Variants in MSL2 observed in about 807,000 individuals in gnomAD.
MSL2 encodes the protein MSL complex subunit 2.
In MSL2, 2 loss-of-function variants were observed where a neutral mutation model predicts 35.8. The ratio of observed to expected loss-of-function variants is 0.06; its 90% confidence interval spans 0.02 to 0.18. The LOEUF (loss-of-function observed/expected upper bound fraction) is 0.18, where lower values mean the gene tolerates loss of function less well. Among genes scored for constraint, MSL2 ranks in the 10% least tolerant of loss-of-function variants. The probability of loss-of-function intolerance (pLI) is 1.00; values close to 1 mark genes in which losing one functional copy is unlikely to be tolerated. For synonymous variants in MSL2, 296 were observed against 255.7 expected, an observed-to-expected ratio of 1.16 and a Z score of -1.50; for missense variants, 523 against 706.7, an observed-to-expected ratio of 0.74 and a Z score of 2.95.
chr3:136,180,997 A>T (rs1576371828), intron 1 of MSL2, among the ~76,000 whole-genome samples: 1 of 151,740 alleles, frequency 6.6e-6, no homozygotes, highest in East Asian at 2.0e-4. Context: ...ATTAAATAAA[A>T]AAAAAAAAAA....
At position 136,168,359 on chromosome 3, in the gene MSL2, T is replaced by G. The variant is rs1455339997; in HGVS notation, c.143-15621A>C. Among the ~76,000 whole-genome samples the G allele has an allele frequency of 6.6e-5, 10 of 152,298 alleles. No individual in the cohort carries two copies. The South Asian group carries it at 2.1e-3, about 32-fold the overall frequency. On this transcript the variant is annotated intron_variant, in intron 1 of 1. Transcript: ENST00000309993. The stretch of plus-strand genomic sequence containing the variant: ...GAAGAAAAAGAACACAAACCAGTTA[T>G]CTTAAAATACTCAAAAAAATTACTG...
chr3:136,159,758 C>A (rs565031283), intron 1 of MSL2, among the ~76,000 whole-genome samples: 2 of 152,094 alleles, frequency 1.3e-5, no homozygotes, highest in South Asian at 4.2e-4. Context: ...TACCTCACAA[C>A]ATACACAAAA....
intron 1 of MSL2, among the ~76,000 whole-genome samples, chr3:136,189,534 C>A (rs1006928678): frequency 1.3e-5 from 2 of 149,816 alleles, no homozygotes; most frequent in Non-Finnish European, 3.0e-5. Context: ...ACCATCCTGG[C>A]TAACACAGTG....
intron 1 of MSL2, among the ~76,000 whole-genome samples, chr3:136,183,480 T>G (rs1208565206): frequency 2.0e-5 from 3 of 152,118 alleles, no homozygotes; most frequent in Non-Finnish European, 2.9e-5. Flanking sequence ...TGGAGTGCAG[T>G]GGCACGACCT....
chr3:136,175,319 G>A (rs569233687), intron 1 of MSL2, among the ~76,000 whole-genome samples: 91 of 151,116 alleles, frequency 6.0e-4, no homozygotes, highest in Non-Finnish European at 1.1e-3. Context: ...ACTCCAGCCT[G>A]GGCGACAGAG....
At chr3:136,162,668 T>C (rs892030759) in intron 1 of MSL2, among the ~76,000 whole-genome samples, 2 of 152,242 alleles carry the variant, frequency 1.3e-5, no homozygotes, top group African/African-American at 2.4e-5. Context: ...ATCTGTCTTA[T>C]AGATTTTACT....
rs753735152 is a variant in MSL2 at position 136,151,681 on chromosome 3, A to G, written c.1200T>C (p.Thr400=). ...NGGTTPKISK[T]VLLSTKSMKK... ...TCATGCTTTTAGTAGATAAAAGTAC[A>G]GTTTTGCTGATTTTAGGTGTTGTGC... Residue 400 remains threonine (T), a synonymous_variant, in exon 2 of 2, where the codon ACT becomes ACC. Coordinates refer to ENST00000309993, the MANE Select transcript of MSL2 (RefSeq NM_018133.4). This position sits in a 1 kb window ranked among gnomAD's most constrained non-coding sequence, Gnocchi z 5.2. 1.2e-6 allele frequency: 2 copies of G among 1,614,116 alleles called. No individual in the cohort carries two copies. Among genetic ancestry groups the G allele is most frequent in the African/African-American group, 1.3e-5 (1 of 75,026 alleles).
chr3:136,157,825 G>A (rs1459782795), intron 1 of MSL2, among the ~76,000 whole-genome samples: 1 of 152,216 alleles, frequency 6.6e-6, no homozygotes, highest in African/African-American at 2.4e-5. Context: ...GAATAGACCT[G>A]TAATAAAAGT....
chr3:136,163,161 C>T (rs964388968), intron 1 of MSL2, among the ~76,000 whole-genome samples: 23 of 151,976 alleles, frequency 1.5e-4, no homozygotes, highest in African/African-American at 5.1e-4. Context: ...CGGAAGGCTA[C>T]GGCAGGAGAA....
Position 136,195,806 on chromosome 3 carries a change from G to A in MSL2, c.-693C>T, listed in dbSNP as rs571681823. On this transcript the variant is annotated 5_prime_UTR_variant, in exon 1 of 2. Coordinates refer to ENST00000309993, the MANE Select transcript of MSL2 (RefSeq NM_018133.4). Reference sequence around the variant, plus strand: ...AGTTCCCCGAGGTGGCGAGGCGGGCGGGAGTCCTCAACCCGGAGGGGAAGG... The same window carrying A: ...AGTTCCCCGAGGTGGCGAGGCGGGCAGGAGTCCTCAACCCGGAGGGGAAGG... The A allele has an allele frequency of 4.1e-6, 4 of 985,004 alleles. No homozygotes were observed. Among genetic ancestry groups the A allele is most frequent in the Admixed American group, 1.2e-4 (2 of 16,244 alleles). The allele number at this position is 985,004 out of a possible 1,614,324, so 61.0% of individuals were successfully genotyped here. A position where few individuals can be genotyped will look rare whatever the true frequency, so the allele number is the denominator to read the frequency against.
In MSL2 at chr3:136,152,580, T is replaced by C; in HGVS notation, c.301A>G (p.Asn101Asp). 1.9e-6 allele frequency: 3 copies of C among 1,614,184 alleles called. No individual in the cohort carries two copies. Among genetic ancestry groups the C allele is most frequent in the Non-Finnish European group, 2.5e-6 (3 of 1,180,022 alleles). Residue 101 changes from asparagine (N) to aspartate (D), a missense_variant, in exon 2 of 2, where the codon AAC (asparagine) becomes GAC (aspartate). Around this residue, in one of 5 missense-constraint regions of MSL2, gnomAD observed 41 missense variants for 83.3 expected, o/e 0.49. Coordinates refer to ENST00000309993, the MANE Select transcript of MSL2 (RefSeq NM_018133.4). ...TACTCGCATAGTTTTTTGTAGCAGTTCACTAGGATGCTTAACTGCTTGTTT... is the reference window on the plus strand; with the variant it reads ...TACTCGCATAGTTTTTTGTAGCAGTCCACTAGGATGCTTAACTGCTTGTTT... The part of the protein sequence containing the change: ...EENKQLSILV[N>D]CYKKLCEYIT...
chr3:136,182,050 G>A (rs749805122), intron 1 of MSL2, among the ~76,000 whole-genome samples: 13 of 151,836 alleles, frequency 8.6e-5, no homozygotes, highest in Admixed American at 5.3e-4. Flanking sequence ...AACACTGAAG[G>A]CAAATTTCTC....
At chr3:136,175,994 C>T (rs1022258607) in intron 1 of MSL2, among the ~76,000 whole-genome samples, 1 of 151,910 alleles carries the variant, frequency 6.6e-6, no homozygotes, top group Non-Finnish European at 1.5e-5. Context: ...TTAAAGATGT[C>T]GAGTATGTTT....
intron 1 of MSL2, among the ~76,000 whole-genome samples, chr3:136,192,041 A>G (rs1234487864): frequency 6.6e-6 from 1 of 152,262 alleles, no homozygotes; most frequent in Non-Finnish European, 1.5e-5. Context: ...TGTAAAAGAA[A>G]AAACAATGTC....
At chr3:136,159,011 A>G (rs1186143848) in intron 1 of MSL2, among the ~76,000 whole-genome samples, 1 of 152,208 alleles carries the variant, frequency 6.6e-6, no homozygotes, top group African/African-American at 2.4e-5. Flanking sequence ...TCAAGATGGC[A>G]GTTTTCCCCA....
intron 1 of MSL2, among the ~76,000 whole-genome samples, chr3:136,163,097 A>C (rs1939755791): frequency 6.6e-6 from 1 of 152,060 alleles, no homozygotes; most frequent in South Asian, 2.1e-4. Context: ...GTCTCTACTA[A>C]AAATACAACA....
chr3:136,169,194 A>G (rs2108074423), intron 1 of MSL2, among the ~76,000 whole-genome samples: 1 of 110,638 alleles, frequency 9.0e-6, no homozygotes, highest in Non-Finnish European at 1.7e-5. Flanking sequence ...TTCCTGTACC[A>G]TGGGGGCATG....
chr3:136,183,477 CAGTGGCACGACCTCG>C (rs1318219157), intron 1 of MSL2, among the ~76,000 whole-genome samples: 1 of 152,014 alleles, frequency 6.6e-6, no homozygotes, highest in Admixed American at 6.6e-5. Flanking sequence ...GGCTGGAGTG[CAGTGGCACGACCTCG>C]ATCACTGCAA....
chr3:136,178,174 A>G (rs920001742), intron 1 of MSL2, among the ~76,000 whole-genome samples: 2 of 152,210 alleles, frequency 1.3e-5, no homozygotes, highest in Non-Finnish European at 2.9e-5. Flanking sequence ...GACATCGTTT[A>G]TCTTAATAAC....
Sources: allele counts gnomAD v4.1 joint callset (sites outside exome capture counted in the v4.1 genomes callset), GRCh38; gene constraint gnomAD v4.1.1; regional missense constraint gnomAD v4.1.1; non-coding constraint Gnocchi (gnomAD v3.1); transcripts MANE v1.5; gene names NCBI Gene and HGNC (gene_info 2026-07-23, HGNC 2026-07-21).